CDK5RAP1: variants seen among roughly 807,000 people sequenced by gnomAD.
CDK5RAP1 encodes the protein CDK5RAP1 mitochondrial tRNA methylthiotransferase.
A neutral mutation model predicts 64.5 loss-of-function variants in CDK5RAP1; 62 were observed. That is an observed-to-expected ratio of 0.96 (90% CI 0.78 to 1.19). The LOEUF is 1.19. Ranked by LOEUF, CDK5RAP1 falls within the 50% of genes most tolerant of loss-of-function variation. CDK5RAP1 has a pLI of 0.00. For synonymous variants in CDK5RAP1, 250 were observed against 261.9 expected, an observed-to-expected ratio of 0.95 and a Z score of 0.44; for missense variants, 657 against 735.0, an observed-to-expected ratio of 0.89 and a Z score of 1.23.
In CDK5RAP1 at chr20:33,370,535, G is replaced by T. The variant is rs1407436600; in HGVS notation, c.1356C>A (p.Tyr452Ter). ...TGTAGGCAAAGAGGAAGCCCATGTTGTACTGAACTTCCCGGAGCAAAGAGA... is the reference window on the plus strand; with the variant it reads ...TGTAGGCAAAGAGGAAGCCCATGTTTTACTGAACTTCCCGGAGCAAAGAGA... ...QTVSLLREVQ[Y>*]NMGFLFAYSM... The change falls in exon 11 of 14, where the codon TAC (tyrosine) becomes TAA (stop). Residue 452 changes from tyrosine (Y) to a stop codon, truncating the protein, a stop_gained. Transcript: ENST00000346416. LOFTEE classifies it high-confidence loss of function. 6.2e-7 allele frequency: 1 copy of T among 1,614,162 alleles called. No homozygotes were observed. Among genetic ancestry groups the T allele is most frequent in the Non-Finnish European group, 8.5e-7 (1 of 1,180,024 alleles).
At position 33,396,879 on chromosome 20, in the gene CDK5RAP1, T is replaced by A. The variant is rs141901459; in HGVS notation, c.186A>T (p.Gly62=). 188 of 1,614,098 alleles carry A rather than the reference T, an allele frequency of 1.2e-4. No individual in the cohort carries two copies. The highest frequency in any genetic ancestry group is 1.5e-4 in the Non-Finnish European group (180 of 1,180,038). The change falls in exon 2 of 14, where the codon GGA becomes GGT. Residue 62 remains glycine (G), a synonymous_variant. Transcript: ENST00000346416. The part of the protein sequence containing the change: ...RKDFSSRLAA[G]PTFQHFLKSA... ...TTTTTAAAAAATGTTGAAAAGTCGG[T>A]CCAGCAGCCAGCCTGGAGCTGAAAT...
chr20:33,360,340 G>T lies in CDK5RAP1; in HGVS notation c.1683+11C>A, dbSNP rs1220740519. ...CACAGTGCAAGCCAAAAGCCCAAAA[G>T]GACTCCTCACCTTCACCAGCACATA... On this transcript the variant is annotated intron_variant, in intron 13 of 13. Coordinates refer to ENST00000346416, the MANE Select transcript of CDK5RAP1 (RefSeq NM_016408.4). 6.2e-7 allele frequency: 1 copy of T among 1,612,188 alleles called. No individual in the cohort carries two copies.
At position 33,382,307 on chromosome 20, in the gene CDK5RAP1, G is replaced by A. The variant is rs573452081; in HGVS notation, c.877-2616C>T. Among the ~76,000 whole-genome samples, 13 of 152,258 alleles carry A rather than the reference G, an allele frequency of 8.5e-5. No individual in the cohort carries two copies. The East Asian group carries it at 2.5e-3, about 29-fold the overall frequency. On this transcript the variant is annotated intron_variant, in intron 7 of 13. Coordinates refer to ENST00000346416, the MANE Select transcript of CDK5RAP1 (RefSeq NM_016408.4). ...GCAGAATGACTTAAGGAACAATTGGGGAACTCCGAATAAGGATGAACTGGA... is the reference window on the plus strand; with the variant it reads ...GCAGAATGACTTAAGGAACAATTGGAGAACTCCGAATAAGGATGAACTGGA...
chr20:33,361,632 G>C (rs765120976), intron 12 of CDK5RAP1, among the ~76,000 whole-genome samples: 6 of 152,158 alleles, frequency 3.9e-5, no homozygotes, highest in Non-Finnish European at 8.8e-5. Context: ...CCACATCTTA[G>C]TAGTGAAACT....
intron 13 of CDK5RAP1, 80 bp downstream of exon 13, chr20:33,360,271 G>C (rs976661511): frequency 6.4e-6 from 9 of 1,412,234 alleles, no homozygotes; most frequent in Non-Finnish European, 6.8e-6. Flanking sequence ...TGTGTCTCTA[G>C]GAAAAAACTT....
Position 33,401,464 on chromosome 20 carries a change from G to A in CDK5RAP1, c.-57C>T, listed in dbSNP as rs1409253026. 1.0e-6 allele frequency: 1 copy of A among 985,484 alleles called. No individual in the cohort carries two copies. The highest frequency in any genetic ancestry group is 1.1e-4 in the East Asian group (1 of 8,812). The allele number at this position is 985,484 out of a possible 1,614,324, so 61.0% of individuals were successfully genotyped here. On this transcript the variant is annotated 5_prime_UTR_variant, in exon 1 of 14. It adds an upstream start codon to the 5' untranslated region. Coordinates refer to ENST00000346416, the MANE Select transcript of CDK5RAP1 (RefSeq NM_016408.4). ...GCAACAGTGCCCGGGGTCCCGCAGC[G>A]TAAGTTCTGCCGGCAAGTCGGATCC...
intron 9 of CDK5RAP1, 117 bp from the exon 10 acceptor site, chr20:33,372,814 G>T: frequency 3.0e-6 from 2 of 670,426 alleles, no homozygotes; most frequent in South Asian, 1.8e-5. Flanking sequence ...ACATGGCAGG[G>T]CACACGAGTA....
At chr20:33,363,491 C>A (rs1023107138) in intron 12 of CDK5RAP1, among the ~76,000 whole-genome samples, 30 of 152,042 alleles carry the variant, frequency 2.0e-4, no homozygotes, top group Non-Finnish European at 4.1e-4. Flanking sequence ...GGTTTGGGGA[C>A]ATCAGGGCAG....
At chr20:33,359,392 T>C (rs958429485) in intron 13 of CDK5RAP1, 4 of 384,394 alleles carry the variant, frequency 1.0e-5, no homozygotes, top group Non-Finnish European at 1.4e-5. Flanking sequence ...GCTCTAACCA[T>C]AAAATTCAGG....
intron 1 of CDK5RAP1, among the ~76,000 whole-genome samples, 166 bp downstream of exon 1, chr20:33,401,262 G>A (rs1373851600): frequency 6.6e-6 from 1 of 152,318 alleles, no homozygotes; most frequent in East Asian, 1.9e-4. Flanking sequence ...TTAGGCGGCG[G>A]GGTTAGGGTA....
At chr20:33,379,815 C>T (rs1986513591) in intron 7 of CDK5RAP1, 124 bp from the exon 8 acceptor site, 1 of 675,472 alleles carries the variant, frequency 1.5e-6, no homozygotes, top group Non-Finnish European at 2.5e-6. Flanking sequence ...TCGAACCTAC[C>T]AAGAGTCACC....
intron 4 of CDK5RAP1, among the ~76,000 whole-genome samples, chr20:33,393,346 GTTTGA>G (rs960774344): frequency 1.3e-5 from 2 of 151,904 alleles, no homozygotes; most frequent in African/African-American, 2.4e-5. Flanking sequence ...CAGCCTCATT[GTTTGA>G]TTTTTTTTGA....
At chr20:33,364,875 CTTTTT>C (rs79643943) in intron 12 of CDK5RAP1, among the ~76,000 whole-genome samples, 1 of 139,990 alleles carries the variant, frequency 7.1e-6, no homozygotes, top group East Asian at 2.1e-4. Flanking sequence ...TGACCAGCCT[CTTTTT>C]TTTTTTTTTT....
At chr20:33,397,137 C>A in intron 1 of CDK5RAP1, 53 bp from the exon 2 acceptor site, 1 of 1,369,550 alleles carries the variant, frequency 7.3e-7, no homozygotes, top group South Asian at 1.4e-5. Context: ...ATGGACAGGA[C>A]ACTGCTGTGA....
intron 12 of CDK5RAP1, among the ~76,000 whole-genome samples, chr20:33,361,848 C>T (rs918258994): frequency 2.7e-5 from 4 of 148,422 alleles, no homozygotes; most frequent in African/African-American, 9.9e-5. Flanking sequence ...CCCAGTGACT[C>T]GGGAGACTGA....
chr20:33,394,892 C>G (rs1190879292), intron 3 of CDK5RAP1, 121 bp downstream of exon 3: 1 of 692,256 alleles, frequency 1.4e-6, no homozygotes, highest in African/African-American at 1.8e-5. Flanking sequence ...GTGAACACTT[C>G]ACCCAAGGGA....
intron 7 of CDK5RAP1, among the ~76,000 whole-genome samples, chr20:33,380,680 A>T (rs1432774055): frequency 6.6e-6 from 1 of 152,168 alleles, no homozygotes; most frequent in Non-Finnish European, 1.5e-5. Context: ...TTTTTCTATT[A>T]TACTAGTCTT....
At chr20:33,360,859 A>C (rs1211909008) in intron 12 of CDK5RAP1, among the ~76,000 whole-genome samples, 1 of 152,232 alleles carries the variant, frequency 6.6e-6, no homozygotes. Flanking sequence ...TTATGAATGA[A>C]TGTTCTGGGA....
intron 2 of CDK5RAP1, among the ~76,000 whole-genome samples, chr20:33,395,451 T>A (rs999319573): frequency 6.6e-6 from 1 of 151,650 alleles, no homozygotes; most frequent in Non-Finnish European, 1.5e-5. Flanking sequence ...CTACAAAAAA[T>A]TTAAAAATTA....
Sources: gnomAD v4.1 joint callset for allele counts (sites outside exome capture counted in the v4.1 genomes callset) on GRCh38, gnomAD v4.1.1 for gene constraint, MANE v1.5 for transcripts, NCBI Gene and HGNC (gene_info 2026-07-23, HGNC 2026-07-21) for gene names.